Variants in CADM1 observed in about 807,000 individuals in gnomAD.
CADM1 encodes cell adhesion molecule 1.
In CADM1, 15 loss-of-function variants were observed where a neutral mutation model predicts 53.1. That is an observed-to-expected ratio of 0.28 (90% CI 0.19 to 0.44). The LOEUF is 0.44. CADM1 is among the 20% of genes least tolerant of loss of function. CADM1 has a pLI of 1.00. For synonymous variants in CADM1, 281 were observed against 243.0 expected (o/e 1.16, Z -1.45); for missense variants, 434 against 611.3 (o/e 0.71, Z 3.06).
chr11:115,344,931 G>A (rs1945538801), intron 1 of CADM1, among the ~76,000 whole-genome samples: 1 of 152,138 alleles, frequency 6.6e-6, no homozygotes, highest in Non-Finnish European at 1.5e-5. Flanking sequence ...AATTTGGCTT[G>A]AATCTTCCTT....
At chr11:115,368,625 C>A (rs1946232270) in intron 1 of CADM1, among the ~76,000 whole-genome samples, 1 of 152,034 alleles carries the variant, frequency 6.6e-6, no homozygotes, top group African/African-American at 2.4e-5. Flanking sequence ...ACAAGAACAC[C>A]TGAATAGCCC....
intron 9 of CADM1, among the ~76,000 whole-genome samples, chr11:115,196,181 T>C (rs1455444249): frequency 2.0e-5 from 3 of 152,122 alleles, no homozygotes; most frequent in East Asian, 1.9e-4. Flanking sequence ...TAAAGTCCCA[T>C]TCCAAGTGTC....
intron 1 of CADM1, among the ~76,000 whole-genome samples, chr11:115,472,880 GA>G (rs1208609749): frequency 6.6e-6 from 1 of 151,330 alleles, no homozygotes; most frequent in African/African-American, 2.4e-5. Context: ...CCTAGAAAGC[GA>G]AAAAAAACCT....
intron 1 of CADM1, among the ~76,000 whole-genome samples, chr11:115,488,510 G>A (rs1403953670): frequency 4.6e-5 from 7 of 152,034 alleles, no homozygotes; most frequent in African/African-American, 7.2e-5. Flanking sequence ...TGTTACAAAC[G>A]CATTTAAAAA....
intron 1 of CADM1, among the ~76,000 whole-genome samples, chr11:115,340,658 ATTTT>A (rs869273547): frequency 3.4e-4 from 12 of 34,928 alleles, no homozygotes; most frequent in African/African-American, 5.6e-4. Flanking sequence ...ATATATATAT[ATTTT>A]TTTTTTTTTT....
chr11:115,391,345 G>T (rs772760826), intron 1 of CADM1, among the ~76,000 whole-genome samples: 1 of 152,124 alleles, frequency 6.6e-6, no homozygotes, highest in Non-Finnish European at 1.5e-5. Flanking sequence ...TCAGCAAAAC[G>T]ATTACAATGG....
chr11:115,457,185 C>T (rs565935282), intron 1 of CADM1, among the ~76,000 whole-genome samples: 26 of 152,274 alleles, frequency 1.7e-4, no homozygotes, highest in Non-Finnish European at 1.6e-4. Flanking sequence ...AACTTTGCAA[C>T]GGTGACAGAG....
At chr11:115,495,713 C>T (rs1261475608) in intron 1 of CADM1, among the ~76,000 whole-genome samples, 1 of 152,308 alleles carries the variant, frequency 6.6e-6, no homozygotes, top group Non-Finnish European at 1.5e-5. Context: ...CAAAGTCAAA[C>T]GTGTTGAAAA....
intron 1 of CADM1, among the ~76,000 whole-genome samples, chr11:115,436,214 A>G (rs17444623): frequency 0.13 from 19,113 of 152,244 alleles, 1,589 homozygotes; most frequent in Non-Finnish European, 0.18. Context: ...TGTCCAACAT[A>G]GAATGTAAAG....
chr11:115,382,745 G>A (rs1158122545), intron 1 of CADM1, among the ~76,000 whole-genome samples: 1 of 152,164 alleles, frequency 6.6e-6, no homozygotes, highest in Non-Finnish European at 1.5e-5. Context: ...AATCACTCAA[G>A]ACACTTGGAG....
intron 1 of CADM1, among the ~76,000 whole-genome samples, chr11:115,376,284 C>A (rs540948464): frequency 5.3e-5 from 8 of 152,090 alleles, no homozygotes; most frequent in Non-Finnish European, 1.0e-4. Context: ...GCAAACAATA[C>A]CTGCACATTA....
intron 1 of CADM1, among the ~76,000 whole-genome samples, chr11:115,252,642 A>G (rs1942643045): frequency 6.6e-6 from 1 of 152,204 alleles, no homozygotes; most frequent in Non-Finnish European, 1.5e-5. Flanking sequence ...CCCTTTCTGT[A>G]TAAGCCCATA....
At chr11:115,402,641 G>A (rs776451402) in intron 1 of CADM1, among the ~76,000 whole-genome samples, 13 of 152,018 alleles carry the variant, frequency 8.6e-5, no homozygotes, top group Non-Finnish European at 1.8e-4. Context: ...AGAAGAATAA[G>A]CAAAAATGGC....
chr11:115,328,554 A>G (rs1945019830), intron 1 of CADM1, among the ~76,000 whole-genome samples: 1 of 149,966 alleles, frequency 6.7e-6, no homozygotes, highest in Non-Finnish European at 1.5e-5. Context: ...CTTATGTGCT[A>G]AATTCCCTTG....
At chr11:115,199,812 G>GA (rs1940334576) in intron 8 of CADM1, among the ~76,000 whole-genome samples, 1 of 152,236 alleles carries the variant, frequency 6.6e-6, no homozygotes, top group Non-Finnish European at 1.5e-5. Context: ...TAAACTGCAA[G>GA]CAAGCAGTTC....
At chr11:115,346,672 A>T (rs1224425287) in intron 1 of CADM1, among the ~76,000 whole-genome samples, 1 of 152,200 alleles carries the variant, frequency 6.6e-6, no homozygotes, top group Admixed American at 6.5e-5. Context: ...TTTCTTTAAA[A>T]TGAATGAAAG....
chr11:115,240,478 G>T, intron 1 of CADM1, 58 bp from the exon 2 acceptor site: 2 of 1,575,706 alleles, frequency 1.3e-6, no homozygotes, highest in East Asian at 4.5e-5. Context: ...AATGTGATCA[G>T]TGGGATCTAT....
intron 1 of CADM1, among the ~76,000 whole-genome samples, chr11:115,275,987 T>G (rs1943434023): frequency 6.6e-6 from 1 of 152,150 alleles, no homozygotes; most frequent in Admixed American, 6.5e-5. Flanking sequence ...GTTATTACCA[T>G]TACTTGTATT....
intron 1 of CADM1, among the ~76,000 whole-genome samples, chr11:115,293,982 T>C (rs928093434): frequency 6.6e-6 from 1 of 152,130 alleles, no homozygotes; most frequent in African/African-American, 2.4e-5. Context: ...TAAAACAACA[T>C]ATCTTAAGTT....
Sources: gnomAD v4.1 joint callset for allele counts (sites outside exome capture counted in the v4.1 genomes callset) on GRCh38, gnomAD v4.1.1 for gene constraint, MANE v1.5 for transcripts, NCBI Gene and HGNC (gene_info 2026-07-23, HGNC 2026-07-21) for gene names.